The following KIAA1217 variants were observed in gnomAD, a reference collection of about 807,000 sequenced individuals.
The protein encoded by KIAA1217 is sickle tail protein homolog.
Under a neutral mutation model 163.9 loss-of-function variants are expected in KIAA1217, and 88 were observed. The ratio of observed to expected loss-of-function variants is 0.54; its 90% confidence interval spans 0.45 to 0.64. KIAA1217 has a LOEUF of 0.64. KIAA1217 is among the 30% of genes least tolerant of loss of function. The pLI is 0.00. For missense variants in KIAA1217, 2,372 were observed against 2,475.0 expected (o/e 0.96, Z 0.88); for synonymous variants, 903 against 923.1 (o/e 0.98, Z 0.39).
intron 1 of KIAA1217, among the ~76,000 whole-genome samples, chr10:23,989,461 G>A (rs1846121406): frequency 6.6e-6 from 1 of 152,152 alleles, no homozygotes; most frequent in African/African-American, 2.4e-5. Flanking sequence ...TAAACTTGGG[G>A]AACTTAGCAA....
intron 2 of KIAA1217, among the ~76,000 whole-genome samples, chr10:24,037,594 G>A (rs2131549947): frequency 6.6e-6 from 1 of 152,338 alleles, no homozygotes; most frequent in East Asian, 1.9e-4. Flanking sequence ...GAAGTCTTAG[G>A]CTCTGGAGTA....
chr10:24,466,608 A>G (rs1339651655), intron 5 of KIAA1217: 1 of 985,266 alleles, frequency 1.0e-6, no homozygotes, highest in Non-Finnish European at 1.2e-6. Flanking sequence ...GAGCTGAGAA[A>G]CATTTTAGGA....
At chr10:24,122,319 A>T (rs994426823) in intron 2 of KIAA1217, among the ~76,000 whole-genome samples, 1 of 152,150 alleles carries the variant, frequency 6.6e-6, no homozygotes, top group Non-Finnish European at 1.5e-5. Flanking sequence ...GCTGCAAAGG[A>T]CATGCTTTCA....
intron 1 of KIAA1217, among the ~76,000 whole-genome samples, chr10:23,939,462 C>T (rs1843665252): frequency 6.6e-6 from 1 of 152,014 alleles, no homozygotes; most frequent in South Asian, 2.1e-4. Flanking sequence ...TATTAAATAT[C>T]AAATGCAGTA....
At chr10:23,760,381 A>C (rs764202213) in intron 1 of KIAA1217, among the ~76,000 whole-genome samples, 19 of 152,236 alleles carry the variant, frequency 1.2e-4, no homozygotes, top group Non-Finnish European at 2.4e-4. Context: ...CTTTCACACT[A>C]TCTTAACGGG....
chr10:23,820,635 C>T (rs79998968), intron 1 of KIAA1217, among the ~76,000 whole-genome samples: 14,103 of 152,142 alleles, frequency 0.093, 1,964 homozygotes, highest in African/African-American at 0.3. Context: ...CCTTAAAGGG[C>T]GTGAATGTTA....
chr10:24,061,617 A>C (rs1393518279), intron 2 of KIAA1217, among the ~76,000 whole-genome samples: 4 of 152,158 alleles, frequency 2.6e-5, no homozygotes, highest in South Asian at 2.1e-4. Context: ...AAAAGTCTTT[A>C]TCTCTTCTAC....
At chr10:23,825,689 G>T (rs546938039) in intron 1 of KIAA1217, among the ~76,000 whole-genome samples, 1 of 152,266 alleles carries the variant, frequency 6.6e-6, no homozygotes, top group South Asian at 2.1e-4. Context: ...CGTTATTCTG[G>T]ATTGCTAAGC....
intron 2 of KIAA1217, among the ~76,000 whole-genome samples, chr10:24,376,806 G>A (rs556787829): frequency 1.3e-5 from 2 of 152,208 alleles, no homozygotes; most frequent in African/African-American, 4.8e-5. Flanking sequence ...CTTACCACTG[G>A]TGTCAACTCT....
chr10:24,187,910 G>A (rs901722419), intron 2 of KIAA1217, among the ~76,000 whole-genome samples: 4 of 151,582 alleles, frequency 2.6e-5, no homozygotes, highest in South Asian at 2.1e-4. Flanking sequence ...AAGATAAAAG[G>A]CAATAGGCCG....
chr10:24,099,912 C>T (rs963446450), intron 2 of KIAA1217, among the ~76,000 whole-genome samples: 1 of 151,924 alleles, frequency 6.6e-6, no homozygotes, highest in Non-Finnish European at 1.5e-5. Flanking sequence ...AGATGATTCC[C>T]ACCTCAAATG....
intron 3 of KIAA1217, among the ~76,000 whole-genome samples, chr10:24,407,464 T>G (rs2057347598): frequency 6.6e-6 from 1 of 152,102 alleles, no homozygotes; most frequent in Non-Finnish European, 1.5e-5. Context: ...CAACTGATTT[T>G]TTCATTTCTA....
chr10:24,460,267 A>G (rs985520601), intron 5 of KIAA1217, among the ~76,000 whole-genome samples: 2 of 152,250 alleles, frequency 1.3e-5, no homozygotes, highest in Non-Finnish European at 2.9e-5. Flanking sequence ...ATAAAATTGT[A>G]TAACAAATGG....
chr10:24,140,018 C>T (rs4019503), intron 2 of KIAA1217, among the ~76,000 whole-genome samples: 107,943 of 149,380 alleles, frequency 0.72, 38,932 homozygotes, highest in Middle Eastern at 0.79. Context: ...TTTTTTTTTT[C>T]CCCCTTATCA....
intron 9 of KIAA1217, among the ~76,000 whole-genome samples, chr10:24,508,316 A>AGC (rs2068637358): frequency 6.6e-6 from 1 of 152,214 alleles, no homozygotes. Context: ...TGATAAAAAC[A>AGC]GCGCTCTAGA....
chr10:24,253,992 A>T (rs559096113), intron 2 of KIAA1217, among the ~76,000 whole-genome samples: 1 of 152,300 alleles, frequency 6.6e-6, no homozygotes, highest in South Asian at 2.1e-4. Context: ...GTTCTATGCA[A>T]TCATGTCTGA....
At chr10:24,226,379 C>T (rs531137689) in intron 2 of KIAA1217, among the ~76,000 whole-genome samples, 2 of 152,162 alleles carry the variant, frequency 1.3e-5, no homozygotes, top group African/African-American at 4.8e-5. Flanking sequence ...GCAGTCCCAA[C>T]ACTTTGGGAG....
intron 1 of KIAA1217, among the ~76,000 whole-genome samples, chr10:23,974,755 C>T (rs191218051): frequency 5.9e-5 from 9 of 152,290 alleles, no homozygotes; most frequent in African/African-American, 9.6e-5. Context: ...ATTATGACCA[C>T]TGCTACTGCT....
At chr10:23,921,026 T>C (rs1035752988) in intron 1 of KIAA1217, among the ~76,000 whole-genome samples, 2 of 152,208 alleles carry the variant, frequency 1.3e-5, no homozygotes, top group African/African-American at 2.4e-5. Flanking sequence ...TCCCTAGCTA[T>C]GTGGAACTGT....
Sources: allele counts gnomAD v4.1 joint callset (sites outside exome capture counted in the v4.1 genomes callset), GRCh38; gene constraint gnomAD v4.1.1; transcripts MANE v1.5; gene names NCBI Gene and HGNC (gene_info 2026-07-23, HGNC 2026-07-21).